The following OR4B1 variants were observed in gnomAD, a reference collection of about 807,000 sequenced individuals.
OR4B1 encodes olfactory receptor family 4 subfamily B member 1.
For synonymous variants in OR4B1, 196 were observed against 141.2 expected, an observed-to-expected ratio of 1.39 and a Z score of -2.75; for missense variants, 520 against 370.7, an observed-to-expected ratio of 1.40 and a Z score of -3.31.
chr11:48,217,339 G>A lies in OR4B1; in HGVS notation c.530G>A (p.Cys177Tyr). The change falls in exon 1 of 1, where the codon TGT (cysteine) becomes TAT (tyrosine). Residue 177 changes from cysteine (C) to tyrosine (Y), a missense_variant. Coordinates refer to ENST00000309562, the MANE Select transcript of OR4B1 (RefSeq NM_001005470.1). ...CCCAATGTGATTGACCACTATTTCTGTGACCTCCAGCCTTTATTCAAGCTT... is the reference window on the plus strand; with the variant it reads ...CCCAATGTGATTGACCACTATTTCTATGACCTCCAGCCTTTATTCAAGCTT... Reference protein sequence around the residue: ...CGPNVIDHYFCDLQPLFKLAC... With the variant: ...CGPNVIDHYFYDLQPLFKLAC... 6.2e-7 allele frequency: 1 copy of A among 1,614,072 alleles called. No individual in the cohort carries two copies. Among genetic ancestry groups the A allele is most frequent in the African/African-American group, 1.3e-5 (1 of 75,002 alleles).
rs1418273627 is a variant in OR4B1 at position 48,217,467 on chromosome 11, C to T, written c.658C>T (p.Leu220=). Residue 220 remains leucine (L), a synonymous_variant, in exon 1 of 1, where the codon CTG becomes TTG. Coordinates refer to ENST00000309562, the MANE Select transcript of OR4B1 (RefSeq NM_001005470.1). ...LILVSSYIVI[L]VNLRNHSAEG... ...CTTGGTGTCCTCTTATATTGTCATT[C>T]TGGTCAACTTGAGGAACCATTCTGC... is the stretch of plus-strand genomic sequence containing the variant. 3.1e-6 allele frequency: 5 copies of T among 1,614,130 alleles called. No homozygotes were observed. The Admixed American group carries it at 8.3e-5, about 27-fold the overall frequency.
rs1233817960 is a variant in OR4B1 at position 48,217,509 on chromosome 11, G to A, written c.700G>A (p.Ala234Thr). The A allele has an allele frequency of 3.1e-6, 5 of 1,614,096 alleles. No homozygotes were observed. Among genetic ancestry groups the A allele is most frequent in the Middle Eastern group, 3.3e-4 (2 of 6,058 alleles). ...RNHSAEGRHK[A>T]LSTCASHITV... is the part of the protein sequence containing the mutation. ...CCATTCTGCAGAGGGGAGGCACAAA[G>A]CCCTCTCCACCTGTGCTTCTCACAT... The change falls in exon 1 of 1, where the codon GCC becomes ACC. Residue 234 changes from alanine (A) to threonine (T), a missense_variant. Ala to Thr is a moderately conservative substitution (Grantham distance 58, BLOSUM62 0). Coordinates refer to ENST00000309562, the MANE Select transcript of OR4B1 (RefSeq NM_001005470.1).
rs1858637553 is a variant in OR4B1 at position 48,217,191 on chromosome 11, C to T, written c.382C>T (p.Leu128Phe). 2 of 1,614,044 alleles carry T rather than the reference C, an allele frequency of 1.2e-6. No individual in the cohort carries two copies. The highest frequency in any genetic ancestry group is 2.2e-5 in the South Asian group (2 of 91,086). ...TTGCTACGTGGCCATTTGCAAGCCTCTTCATTATATGAACATTATCAGTCG... is the reference window on the plus strand; with the variant it reads ...TTGCTACGTGGCCATTTGCAAGCCTTTTCATTATATGAACATTATCAGTCG... ...YDCYVAICKP[L>F]HYMNIISRQL... The change falls in exon 1 of 1, where the codon CTT (leucine) becomes TTT (phenylalanine). Residue 128 changes from leucine (L) to phenylalanine (F), a missense_variant. Coordinates refer to ENST00000309562, the MANE Select transcript of OR4B1 (RefSeq NM_001005470.1).
rs576031077 is a variant in OR4B1 at position 48,216,920 on chromosome 11, G to A, written c.111G>A (p.Val37=). ...TTCTCCCCGTGTACCTTGCCACGGT[G>A]GTGGGCAATGGCCTCATCGTTCTGA... ...VVFLPVYLAT[V]VGNGLIVLTV... The change falls in exon 1 of 1, where the codon GTG becomes GTA. Residue 37 remains valine, a synonymous_variant. Transcript: ENST00000309562. 81 of 1,614,058 alleles carry A rather than the reference G, an allele frequency of 5.0e-5. No individual in the cohort carries two copies. In the East Asian group the frequency reaches 1.7e-3, roughly 34 times the overall value.
chr11:48,217,434 T>A lies in OR4B1; in HGVS notation c.625T>A (p.Phe209Ile), dbSNP rs755080838. ...ANSGLFSVFS[F>I]LILVSSYIVI... ...CAGTGGATTATTCTCTGTCTTCTCCTTCCTCATCTTGGTGTCCTCTTATAT... is the reference window on the plus strand; with the variant it reads ...CAGTGGATTATTCTCTGTCTTCTCCATCCTCATCTTGGTGTCCTCTTATAT... Residue 209 changes from phenylalanine to isoleucine, a missense_variant, in exon 1 of 1, where the codon TTC (phenylalanine) becomes ATC (isoleucine). By Grantham distance (21) the Phe-to-Ile change is conservative. Transcript: ENST00000309562. 9.3e-6 allele frequency: 15 copies of A among 1,614,072 alleles called. No individual in the cohort carries two copies. The highest frequency in any genetic ancestry group is 1.3e-5 in the African/African-American group (1 of 74,934).
Position 48,216,958 on chromosome 11 carries a change from G to A in OR4B1, c.149G>A (p.Ser50Asn), listed in dbSNP as rs996641631. Reference sequence around the variant, plus strand: ...CTCATCGTTCTGACGGTCAGTATCAGCAAGAGTCTGGATTCTCCCATGTAC... The same window carrying A: ...CTCATCGTTCTGACGGTCAGTATCAACAAGAGTCTGGATTCTCCCATGTAC... ...NGLIVLTVSI[S>N]KSLDSPMYFF... Residue 50 changes from serine (S) to asparagine (N), a missense_variant, in exon 1 of 1, where the codon AGC becomes AAC. Ser to Asn is a conservative substitution (Grantham distance 46). Transcript: ENST00000309562. The A allele has an allele frequency of 4.3e-6, 7 of 1,614,168 alleles. No individual in the cohort carries two copies. Among genetic ancestry groups the A allele is most frequent in the South Asian group, 1.1e-5 (1 of 91,086 alleles).
Position 48,217,676 on chromosome 11 carries a change from T to G in OR4B1, c.867T>G (p.Asn289Lys), listed in dbSNP as rs752173412. The part of the protein sequence containing the change: ...MLNPIIYTLR[N>K]AEVKIAIRRL... ...ACCCCATCATTTACACACTCAGGAA[T>G]GCAGAGGTGAAAATCGCCATAAGAA... is the stretch of plus-strand genomic sequence containing the variant. Residue 289 changes from asparagine (N) to lysine (K), a missense_variant, in exon 1 of 1, where the codon AAT (asparagine) becomes AAG (lysine). Physicochemically the swap from Asn to Lys is moderately conservative, Grantham distance 94. Transcript: ENST00000309562. 6.2e-7 allele frequency: 1 copy of G among 1,605,942 alleles called. No individual in the cohort carries two copies. The highest frequency in any genetic ancestry group is 8.5e-7 in the Non-Finnish European group (1 of 1,179,900).
chr11:48,217,365 G>A lies in OR4B1; in HGVS notation c.556G>A (p.Ala186Thr), dbSNP rs1191062962. The A allele has an allele frequency of 1.2e-6, 2 of 1,614,060 alleles. No homozygotes were observed. Among genetic ancestry groups the A allele is most frequent in the Admixed American group, 3.3e-5 (2 of 59,994 alleles). The change falls in exon 1 of 1, where the codon GCC becomes ACC. Residue 186 changes from alanine to threonine, a missense_variant. Transcript: ENST00000309562. ...TGACCTCCAGCCTTTATTCAAGCTT[G>A]CCTGCACTGACACCTTCATGGAGGG... ...FCDLQPLFKL[A>T]CTDTFMEGVI...
rs766509371 is a variant in OR4B1 at position 48,217,369 on chromosome 11, G to T, written c.560G>T (p.Cys187Phe). The change falls in exon 1 of 1, where the codon TGC becomes TTC. Residue 187 changes from cysteine to phenylalanine, a missense_variant. Coordinates refer to ENST00000309562, the MANE Select transcript of OR4B1 (RefSeq NM_001005470.1). Reference sequence around the variant, plus strand: ...CTCCAGCCTTTATTCAAGCTTGCCTGCACTGACACCTTCATGGAGGGGGTT... The same window carrying T: ...CTCCAGCCTTTATTCAAGCTTGCCTTCACTGACACCTTCATGGAGGGGGTT... ...CDLQPLFKLACTDTFMEGVIV... is the reference protein window; with the variant it reads ...CDLQPLFKLAFTDTFMEGVIV... 1.9e-5 allele frequency: 30 copies of T among 1,613,976 alleles called. No homozygotes were observed. Among genetic ancestry groups the T allele is most frequent in the Non-Finnish European group, 2.5e-5 (29 of 1,180,016 alleles).
At position 48,217,518 on chromosome 11, in the gene OR4B1, A is replaced by G; in HGVS notation, c.709A>G (p.Thr237Ala). ...SAEGRHKALS[T>A]CASHITVVIL... is the part of the protein sequence containing the mutation. ...AGAGGGGAGGCACAAAGCCCTCTCC[A>G]CCTGTGCTTCTCACATCACAGTGGT... is the stretch of plus-strand genomic sequence containing the variant. The change falls in exon 1 of 1, where the codon ACC (threonine) becomes GCC (alanine). Residue 237 changes from threonine to alanine, a missense_variant. By Grantham distance (58) the Thr-to-Ala change is moderately conservative. Transcript: ENST00000309562. 6.2e-7 allele frequency: 1 copy of G among 1,614,130 alleles called. No individual in the cohort carries two copies. The highest frequency in any genetic ancestry group is 8.5e-7 in the Non-Finnish European group (1 of 1,180,004).
In OR4B1 at chr11:48,217,712, C is replaced by A; in HGVS notation, c.903C>A (p.Ser301Arg). Residue 301 changes from serine to arginine, a missense_variant, in exon 1 of 1, where the codon AGC becomes AGA. Coordinates refer to ENST00000309562, the MANE Select transcript of OR4B1 (RefSeq NM_001005470.1). ...AAATCGCCATAAGAAGATTGTGGAG[C>A]AAAAAGGAGAATCCAGGGAGGGAGT... The part of the protein sequence containing the change: ...EVKIAIRRLW[S>R]KKENPGRE 6.3e-7 allele frequency: 1 copy of A among 1,588,938 alleles called. No individual in the cohort carries two copies. The highest frequency in any genetic ancestry group is 1.7e-5 in the Admixed American group (1 of 57,580).
rs768965332 is a variant in OR4B1, at chr11:48,217,187, G to A, written c.378G>A (p.Lys126=). ...ATGATTGCTACGTGGCCATTTGCAA[G>A]CCTCTTCATTATATGAACATTATCA... ...MAYDCYVAIC[K]PLHYMNIISR... The change falls in exon 1 of 1, where the codon AAG becomes AAA. Residue 126 remains lysine, a synonymous_variant. Transcript: ENST00000309562. 9.9e-6 allele frequency: 16 copies of A among 1,614,134 alleles called. No homozygotes were observed. Among genetic ancestry groups the A allele is most frequent in the Middle Eastern group, 1.7e-4 (1 of 6,060 alleles).
chr11:48,217,167 T>A lies in OR4B1; in HGVS notation c.358T>A (p.Cys120Ser), dbSNP rs1858636645. The change falls in exon 1 of 1, where the codon TGC becomes AGC. Residue 120 changes from cysteine (C) to serine (S), a missense_variant. By Grantham distance (112) the Cys-to-Ser change is moderately radical. Coordinates refer to ENST00000309562, the MANE Select transcript of OR4B1 (RefSeq NM_001005470.1). Reference sequence around the variant, plus strand: ...TTTGATTGTGGTGATGGCCTATGATTGCTACGTGGCCATTTGCAAGCCTCT... The same window carrying A: ...TTTGATTGTGGTGATGGCCTATGATAGCTACGTGGCCATTTGCAAGCCTCT... ...ILLIVVMAYD[C>S]YVAICKPLHY... 2 of 1,614,144 alleles carry A rather than the reference T, an allele frequency of 1.2e-6. No homozygotes were observed. Among genetic ancestry groups the A allele is most frequent in the Non-Finnish European group, 1.7e-6 (2 of 1,179,978 alleles).
Position 48,216,979 on chromosome 11 carries a change from T to C in OR4B1, c.170T>C (p.Met57Thr), listed in dbSNP as rs1234941374. 5 of 1,614,064 alleles carry C rather than the reference T, an allele frequency of 3.1e-6. No individual in the cohort carries two copies. The highest frequency in any genetic ancestry group is 2.7e-5 in the African/African-American group (2 of 74,936). The change falls in exon 1 of 1, where the codon ATG becomes ACG. Residue 57 changes from methionine to threonine, a missense_variant. Met to Thr is a moderately conservative substitution (Grantham distance 81). Transcript: ENST00000309562. Reference protein sequence around the residue: ...VSISKSLDSPMYFFLSCLSLV... With the variant: ...VSISKSLDSPTYFFLSCLSLV... ...ATCAGCAAGAGTCTGGATTCTCCCA[T>C]GTACTTCTTCCTTAGCTGCCTGTCC...
chr11:48,217,393 T>C lies in OR4B1; in HGVS notation c.584T>C (p.Val195Ala). The change falls in exon 1 of 1, where the codon GTT becomes GCT. Residue 195 changes from valine (V) to alanine (A), a missense_variant. By Grantham distance (64) the Val-to-Ala change is moderately conservative. Coordinates refer to ENST00000309562, the MANE Select transcript of OR4B1 (RefSeq NM_001005470.1). Reference sequence around the variant, plus strand: ...TGCACTGACACCTTCATGGAGGGGGTTATTGTGTTGGCCAACAGTGGATTA... The same window carrying C: ...TGCACTGACACCTTCATGGAGGGGGCTATTGTGTTGGCCAACAGTGGATTA... The part of the protein sequence containing the change: ...LACTDTFMEG[V>A]IVLANSGLFS... The C allele has an allele frequency of 6.2e-7, 1 of 1,613,940 alleles. No homozygotes were observed. Among genetic ancestry groups the C allele is most frequent in the South Asian group, 1.1e-5 (1 of 91,076 alleles).
Position 48,217,024 on chromosome 11 carries a change from C to T in OR4B1, c.215C>T (p.Ser72Phe). ...CTGTCCTTGGTGGAGATCAGTTATTCCTCCACTATCGCCCCTAAATTCATC... is the reference window on the plus strand; with the variant it reads ...CTGTCCTTGGTGGAGATCAGTTATTTCTCCACTATCGCCCCTAAATTCATC... ...SCLSLVEISY[S>F]STIAPKFIID... The change falls in exon 1 of 1, where the codon TCC becomes TTC. Residue 72 changes from serine to phenylalanine, a missense_variant. By Grantham distance (155) the Ser-to-Phe change is radical. Coordinates refer to ENST00000309562, the MANE Select transcript of OR4B1 (RefSeq NM_001005470.1). 6.2e-7 allele frequency: 1 copy of T among 1,612,594 alleles called. No individual in the cohort carries two copies. The highest frequency in any genetic ancestry group is 8.5e-7 in the Non-Finnish European group (1 of 1,178,636).
chr11:48,217,037 C>T lies in OR4B1; in HGVS notation c.228C>T (p.Ala76=). The change falls in exon 1 of 1, where the codon GCC becomes GCT. Residue 76 remains alanine, a synonymous_variant. Transcript: ENST00000309562. ...LVEISYSSTI[A]PKFIIDLLAK... Reference sequence around the variant, plus strand: ...AGATCAGTTATTCCTCCACTATCGCCCCTAAATTCATCATAGACTTACTTG... The same window carrying T: ...AGATCAGTTATTCCTCCACTATCGCTCCTAAATTCATCATAGACTTACTTG... 1 of 1,613,918 alleles carries T rather than the reference C, an allele frequency of 6.2e-7. No individual in the cohort carries two copies. The highest frequency in any genetic ancestry group is 2.2e-5 in the East Asian group (1 of 44,884).
At position 48,217,519 on chromosome 11, in the gene OR4B1, C is replaced by A. The variant is rs12292056; in HGVS notation, c.710C>A (p.Thr237Asn). The A allele has an allele frequency of 0.069, 111,038 of 1,614,054 alleles. 4,753 individuals are homozygous for A. The highest frequency in any genetic ancestry group is 0.2 in the African/African-American group (14,984 of 74,978). The change falls in exon 1 of 1, where the codon ACC (threonine) becomes AAC (asparagine). Residue 237 changes from threonine to asparagine, a missense_variant. Thr to Asn is a moderately conservative substitution (Grantham distance 65). Coordinates refer to ENST00000309562, the MANE Select transcript of OR4B1 (RefSeq NM_001005470.1). ...GAGGGGAGGCACAAAGCCCTCTCCA[C>A]CTGTGCTTCTCACATCACAGTGGTC... ...SAEGRHKALS[T>N]CASHITVVIL...
In OR4B1 at chr11:48,216,884, C is replaced by T. The variant is rs780081095; in HGVS notation, c.75C>T (p.Cys25=). Residue 25 remains cysteine (C), a synonymous_variant, in exon 1 of 1, where the codon TGC becomes TGT. Transcript: ENST00000309562. ...LFQDPAVQSV[C]FVVFLPVYLA... The stretch of plus-strand genomic sequence containing the variant: ...AGGATCCAGCTGTGCAGAGTGTATG[C>T]TTTGTGGTGTTTCTCCCCGTGTACC... The T allele has an allele frequency of 3.1e-6, 5 of 1,613,952 alleles. No homozygotes were observed. The highest frequency in any genetic ancestry group is 1.1e-5 in the South Asian group (1 of 91,078).
Sources: allele counts gnomAD v4.1 joint callset, GRCh38; gene constraint gnomAD v4.1.1; transcripts MANE v1.5; gene names NCBI Gene and HGNC (gene_info 2026-07-23, HGNC 2026-07-21).